WNT2: variants seen among roughly 807,000 people sequenced by gnomAD.
WNT2 encodes the protein protein Wnt-2.
Under a neutral mutation model 36.9 loss-of-function variants are expected in WNT2, and 12 were observed. The observed-to-expected ratio is 0.33, with a 90% CI of 0.21 to 0.53. The LOEUF (loss-of-function observed/expected upper bound fraction) is 0.53. WNT2 is among the 20% of genes least tolerant of loss of function. The probability of loss-of-function intolerance (pLI) is 0.95; values close to 1 mark genes in which losing one functional copy is unlikely to be tolerated. For synonymous variants in WNT2, 163 were observed against 174.6 expected (o/e 0.93, Z 0.52); for missense variants, 379 against 473.1 (o/e 0.80, Z 1.84).
chr7:117,309,922 G>C (rs554612634), intron 3 of WNT2, among the ~76,000 whole-genome samples: 1 of 152,128 alleles, frequency 6.6e-6, no homozygotes, highest in South Asian at 2.1e-4. Flanking sequence ...TTCAAAGAGA[G>C]GCAAATTTCT....
chr7:117,300,047 C>T (rs917872980), intron 3 of WNT2, among the ~76,000 whole-genome samples: 1 of 152,136 alleles, frequency 6.6e-6, no homozygotes, highest in African/African-American at 2.4e-5. Context: ...TAGTCTAAAT[C>T]GCTAATAGTA....
chr7:117,304,310 A>AT (rs1302601430), intron 3 of WNT2, among the ~76,000 whole-genome samples: 1 of 151,680 alleles, frequency 6.6e-6, no homozygotes, highest in Non-Finnish European at 1.5e-5. Context: ...TTTACTTTGT[A>AT]TTTTTTCCCC....
chr7:117,302,337 T>A (rs1289554419), intron 3 of WNT2, among the ~76,000 whole-genome samples: 2 of 152,212 alleles, frequency 1.3e-5, no homozygotes, highest in African/African-American at 4.8e-5. Flanking sequence ...ATACACCTTT[T>A]TTGCCTAGCA....
intron 2 of WNT2, among the ~76,000 whole-genome samples, chr7:117,317,826 T>G (rs1795249290): frequency 2.0e-5 from 3 of 152,196 alleles, no homozygotes; most frequent in Admixed American, 1.3e-4. Context: ...AAGGCAAAAC[T>G]CTAGAAGCTA....
chr7:117,307,564 C>T (rs371563004), intron 3 of WNT2, among the ~76,000 whole-genome samples: 5 of 152,112 alleles, frequency 3.3e-5, no homozygotes, highest in Admixed American at 6.5e-5. Flanking sequence ...TTAGTGTTTG[C>T]GTATCTAATT....
At chr7:117,311,163 C>G (rs1233903114) in intron 3 of WNT2, among the ~76,000 whole-genome samples, 1 of 152,144 alleles carries the variant, frequency 6.6e-6, no homozygotes. Context: ...GGTGTGCTCA[C>G]GATGACTGGC....
chr7:117,306,197 ACCCTTT>A (rs1795011918), intron 3 of WNT2, among the ~76,000 whole-genome samples: 1 of 152,056 alleles, frequency 6.6e-6, no homozygotes, highest in African/African-American at 2.4e-5. Flanking sequence ...GTCAATTTAA[ACCCTTT>A]TTTTTCTATT....
At chr7:117,302,597 A>G (rs558515625) in intron 3 of WNT2, among the ~76,000 whole-genome samples, 16 of 152,356 alleles carry the variant, frequency 1.1e-4, no homozygotes, top group African/African-American at 3.6e-4. Context: ...TTGGAAGGAT[A>G]CACACCCACA....
intron 2 of WNT2, 66 bp from the exon 3 acceptor site, chr7:117,315,414 C>T (rs1315777189): frequency 6.7e-7 from 1 of 1,488,542 alleles, no homozygotes. Context: ...TTTCATATGA[C>T]AATTGTTTAA....
intron 4 of WNT2, among the ~76,000 whole-genome samples, chr7:117,294,962 A>G (rs1168088737): frequency 6.6e-6 from 1 of 152,206 alleles, no homozygotes; most frequent in Non-Finnish European, 1.5e-5. Context: ...GTGGTGACAC[A>G]TGCCTGTAAT....
intron 3 of WNT2, among the ~76,000 whole-genome samples, chr7:117,298,401 G>A (rs2116357005): frequency 6.6e-6 from 1 of 152,294 alleles, no homozygotes; most frequent in African/African-American, 2.4e-5. Flanking sequence ...TGACCGAGAA[G>A]CAAGGCTGAG....
At position 117,304,808 on chromosome 7, in the gene WNT2, T is replaced by C. The variant is rs564012551; in HGVS notation, c.589-6932A>G. ...TGGAATTGGTCCTCTATGTCACTTA[T>C]GTTTTCTCTCATCTTTTCAATACTT... On this transcript the variant is annotated intron_variant, in intron 3 of 4. Coordinates refer to ENST00000265441, the MANE Select transcript of WNT2 (RefSeq NM_003391.3). Among the ~76,000 whole-genome samples the C allele has an allele frequency of 5.9e-5, 9 of 152,360 alleles. 1 individual carries two copies. The highest frequency in any genetic ancestry group is 1.7e-4 in the African/African-American group (7 of 41,590).
rs113105518 is a variant in WNT2, at chr7:117,286,831, T to C, written c.854-8447A>G. 6.8e-3 allele frequency among the ~76,000 whole-genome samples: 1,033 copies of C among 151,716 alleles called. 4 individuals carry two copies. The highest frequency in any genetic ancestry group is 0.011 in the Non-Finnish European group (741 of 67,858). ...TCAGTGTTTTCGTAAGTTGGAAAAG[T>C]TTGACTGGCACAGGAAAGCATGTCC... is the stretch of plus-strand genomic sequence containing the variant. On this transcript the variant is annotated intron_variant, in intron 4 of 4. Coordinates refer to ENST00000265441, the MANE Select transcript of WNT2 (RefSeq NM_003391.3).
At position 117,278,621 on chromosome 7, in the gene WNT2, T is replaced by C. The variant is rs1794425551; in HGVS notation, c.854-237A>G. 2.0e-5 allele frequency among the ~76,000 whole-genome samples: 3 copies of C among 152,184 alleles called. No individual in the cohort carries two copies. The South Asian group carries it at 6.2e-4, about 31-fold the overall frequency. ...AGTCCCAAAAAGGTGAACATGAAACTTTGGATTTCCTTGGACACCCTGAAT... is the reference window on the plus strand; with the variant it reads ...AGTCCCAAAAAGGTGAACATGAAACCTTGGATTTCCTTGGACACCCTGAAT... On this transcript the variant is annotated intron_variant, in intron 4 of 4. Coordinates refer to ENST00000265441, the MANE Select transcript of WNT2 (RefSeq NM_003391.3).
chr7:117,283,950 C>T (rs566903528), intron 4 of WNT2, among the ~76,000 whole-genome samples: 93 of 152,240 alleles, frequency 6.1e-4, no homozygotes, highest in African/African-American at 2.0e-3. Flanking sequence ...GGAGCTGTGA[C>T]GGGCCCCCAT....
chr7:117,302,126 A>G (rs918710582), intron 3 of WNT2, among the ~76,000 whole-genome samples: 1 of 152,238 alleles, frequency 6.6e-6, no homozygotes, highest in African/African-American at 2.4e-5. Flanking sequence ...TCAAGAATTG[A>G]CTTAAAATAT....
At chr7:117,312,750 A>G (rs1260761743) in intron 3 of WNT2, among the ~76,000 whole-genome samples, 4 of 152,236 alleles carry the variant, frequency 2.6e-5, no homozygotes, top group Non-Finnish European at 5.9e-5. Flanking sequence ...TATAGCACAG[A>G]GGATCTAAAA....
At chr7:117,318,363 C>T (rs73714629) in intron 2 of WNT2, among the ~76,000 whole-genome samples, 1,617 of 152,266 alleles carry the variant, frequency 0.011, 32 homozygotes, top group African/African-American at 0.037. Context: ...TCATCACTGA[C>T]AGTCACAAGA....
intron 2 of WNT2, among the ~76,000 whole-genome samples, chr7:117,317,454 T>G (rs916320768): frequency 3.8e-4 from 58 of 152,350 alleles, no homozygotes; most frequent in Middle Eastern, 3.4e-3. Context: ...AATTAAAAAT[T>G]TAGCACATTG....
Sources: gnomAD v4.1 joint callset for allele counts (sites outside exome capture counted in the v4.1 genomes callset) on GRCh38, gnomAD v4.1.1 for gene constraint, MANE v1.5 for transcripts, NCBI Gene and HGNC (gene_info 2026-07-23, HGNC 2026-07-21) for gene names.